TYW1B: variants seen among roughly 807,000 people sequenced by gnomAD.
The protein encoded by TYW1B is tRNA-yW synthesizing protein 1 homolog B.
In TYW1B, 73 loss-of-function variants were observed where a neutral mutation model predicts 86.9. The ratio of observed to expected loss-of-function variants is 0.84; its 90% CI spans 0.70 to 1.02. TYW1B has a LOEUF of 1.02. Among genes scored for constraint, TYW1B ranks in the 50% least tolerant of loss-of-function variants. The probability of loss-of-function intolerance (pLI) is 0.00; values close to 1 mark genes in which losing one functional copy is unlikely to be tolerated. For missense variants in TYW1B, 637 were observed against 827.4 expected, an observed-to-expected ratio of 0.77 and a Z score of 2.82; for synonymous variants, 248 against 292.8, an observed-to-expected ratio of 0.85 and a Z score of 1.56.
chr7:72,735,039 T>C (rs1374070284), intron 8 of TYW1B, among the ~76,000 whole-genome samples: 1 of 152,088 alleles, frequency 6.6e-6, no homozygotes, highest in Non-Finnish European at 1.5e-5. Flanking sequence ...GGGAAAACAA[T>C]ATGGAGATTC....
chr7:72,698,546 T>C (rs1286719130), intron 10 of TYW1B, among the ~76,000 whole-genome samples: 5 of 150,992 alleles, frequency 3.3e-5, no homozygotes, highest in Non-Finnish European at 7.4e-5. Flanking sequence ...CTCAGGAGGC[T>C]GAGGCACAAA....
intron 7 of TYW1B, chr7:72,768,831 G>A: frequency 4.0e-6 from 1 of 250,196 alleles, no homozygotes; most frequent in South Asian, 5.4e-5. Flanking sequence ...ACAGGATCCT[G>A]TGCCCTATAT....
chr7:72,806,648 A>AT (rs1449353795), intron 5 of TYW1B, among the ~76,000 whole-genome samples: 1 of 149,252 alleles, frequency 6.7e-6, no homozygotes, highest in African/African-American at 2.5e-5. Flanking sequence ...TTTTTTTGTT[A>AT]TTTTTTCTGT....
intron 11 of TYW1B, among the ~76,000 whole-genome samples, chr7:72,662,742 T>C (rs1813364848): frequency 6.6e-6 from 1 of 152,184 alleles, no homozygotes; most frequent in Non-Finnish European, 1.5e-5. Context: ...TTTATTCCTA[T>C]GAAAGTGGCA....
intron 1 of TYW1B, among the ~76,000 whole-genome samples, 198 bp downstream of exon 1, chr7:72,827,874 C>G (rs1317908048): frequency 6.6e-6 from 1 of 152,186 alleles, no homozygotes; most frequent in Non-Finnish European, 1.5e-5. Context: ...CTGTCTAACC[C>G]CCTAGCCTCA....
chr7:72,692,917 G>C (rs536006224), intron 11 of TYW1B, among the ~76,000 whole-genome samples: 2 of 152,222 alleles, frequency 1.3e-5, no homozygotes, highest in Admixed American at 6.6e-5. Context: ...AATGAGCCAG[G>C]AAATGTACAT....
At chr7:72,670,524 A>G (rs1379744171) in intron 11 of TYW1B, among the ~76,000 whole-genome samples, 4 of 152,126 alleles carry the variant, frequency 2.6e-5, no homozygotes, top group Non-Finnish European at 5.9e-5. Context: ...ATTAGGAAGT[A>G]CTCTTAACCC....
chr7:72,605,029 C>T (rs1811760646), intron 13 of TYW1B, among the ~76,000 whole-genome samples: 1 of 152,170 alleles, frequency 6.6e-6, no homozygotes, highest in South Asian at 2.1e-4. Flanking sequence ...AAGCTCCACT[C>T]TCTAGACTCT....
At chr7:72,791,142 G>A (rs1407479955) in intron 6 of TYW1B, among the ~76,000 whole-genome samples, 6 of 152,130 alleles carry the variant, frequency 3.9e-5, no homozygotes, top group South Asian at 2.1e-4. Flanking sequence ...GCTATGGAAC[G>A]TCTGTAAACA....
At chr7:72,674,032 C>G (rs577917510) in intron 11 of TYW1B, among the ~76,000 whole-genome samples, 120 of 151,976 alleles carry the variant, frequency 7.9e-4, no homozygotes, top group Middle Eastern at 3.4e-3. Context: ...AGTTCAATAC[C>G]CACCATTCCC....
At chr7:72,724,299 C>T (rs1206739842) in intron 9 of TYW1B, among the ~76,000 whole-genome samples, 1 of 152,012 alleles carries the variant, frequency 6.6e-6, no homozygotes. Context: ...TAGGGAGAAC[C>T]CATCTCTATT....
intron 13 of TYW1B, among the ~76,000 whole-genome samples, chr7:72,592,160 T>TTAAA (rs1563021678): frequency 9.7e-6 from 1 of 103,398 alleles, no homozygotes; most frequent in Non-Finnish European, 1.9e-5. Context: ...ACTAATGTGT[T>TTAAA]AAAAAAAAAA....
intron 11 of TYW1B, among the ~76,000 whole-genome samples, chr7:72,671,316 C>G (rs532190057): frequency 6.6e-6 from 1 of 152,274 alleles, no homozygotes; most frequent in South Asian, 2.1e-4. Context: ...CCCTCCACCC[C>G]CAGACACTTG....
chr7:72,744,680 A>C (rs1377728646), intron 7 of TYW1B, 79 bp from the exon 8 acceptor site: 16 of 1,439,392 alleles, frequency 1.1e-5, no homozygotes, highest in Non-Finnish European at 1.6e-5. Flanking sequence ...CATTTTTAAG[A>C]GAAACCATGT....
chr7:72,654,794 T>C (rs531915315), intron 11 of TYW1B, among the ~76,000 whole-genome samples: 2 of 152,214 alleles, frequency 1.3e-5, no homozygotes, highest in Non-Finnish European at 1.5e-5. Flanking sequence ...GGCAGGAGAA[T>C]TGCTTGAACC....
At chr7:72,639,865 CAAAAA>C (rs34283765) in intron 11 of TYW1B, among the ~76,000 whole-genome samples, 2 of 109,304 alleles carry the variant, frequency 1.8e-5, no homozygotes, top group African/African-American at 3.1e-5. Context: ...GACTCCATCT[CAAAAA>C]AAAAAAAAAA....
chr7:72,606,588 A>G (rs1220489696), intron 13 of TYW1B, among the ~76,000 whole-genome samples: 1 of 128,704 alleles, frequency 7.8e-6, no homozygotes, highest in Non-Finnish European at 1.7e-5. Context: ...GACTTCTGCC[A>G]CCACCCAGCA....
chr7:72,713,883 A>G, intron 9 of TYW1B, 85 bp from the exon 10 acceptor site: 1 of 1,399,030 alleles, frequency 7.1e-7, no homozygotes, highest in Non-Finnish European at 9.5e-7. Flanking sequence ...TTGATTTTAT[A>G]GAGCAAATTC....
chr7:72,718,814 G>A (rs1311142008), intron 9 of TYW1B, among the ~76,000 whole-genome samples: 1 of 152,238 alleles, frequency 6.6e-6, no homozygotes, highest in Admixed American at 6.5e-5. Flanking sequence ...TAGAAAGGCA[G>A]GTTGAACCTG....
Sources: allele counts gnomAD v4.1 joint callset (sites outside exome capture counted in the v4.1 genomes callset), GRCh38; gene constraint gnomAD v4.1.1; transcripts MANE v1.5; gene names NCBI Gene and HGNC (gene_info 2026-07-23, HGNC 2026-07-21).